Variants in ELF2 observed in about 807,000 individuals in gnomAD.
ELF2 encodes the protein ETS-related transcription factor Elf-2.
Under a neutral mutation model 54.8 loss-of-function variants are expected in ELF2, and 11 were observed. That is an observed-to-expected ratio of 0.20 (90% CI 0.13 to 0.33). The LOEUF (loss-of-function observed/expected upper bound fraction) is 0.33, where lower values mean the gene tolerates loss of function less well. Ranked by LOEUF, ELF2 falls within the 10% of genes least tolerant of loss-of-function variation. ELF2 has a pLI of 1.00. For missense variants in ELF2, 513 were observed against 703.0 expected, an observed-to-expected ratio of 0.73 and a Z score of 3.06; for synonymous variants, 203 against 245.1, an observed-to-expected ratio of 0.83 and a Z score of 1.61.
rs1184187241 is a variant in ELF2 at position 139,084,417 on chromosome 4, G to GGGCAGGGGC, written c.239-10859_239-10851dup. 605 of 1,298,654 alleles carry GGGCAGGGGC rather than the reference G, an allele frequency of 4.7e-4. 1 individual carries two copies. The highest frequency in any genetic ancestry group is 5.7e-4 in the Non-Finnish European group (586 of 1,023,922). 80.4% of individuals were successfully genotyped at this position (1,298,654 alleles called of 1,614,324 possible). ...GAGAAACCCCACCACCTAACGGCAG[G>GGGCAGGGGC]GGCAGGGGCGGCAGGGGCAGGGGCG... On this transcript the variant is annotated intron_variant, in intron 4 of 9. Coordinates refer to ENST00000686138, the MANE Select transcript of ELF2 (RefSeq NM_001331036.3).
intron 4 of ELF2, among the ~76,000 whole-genome samples, chr4:139,119,191 G>A (rs954706075): frequency 2.6e-5 from 4 of 152,232 alleles, no homozygotes; most frequent in East Asian, 1.9e-4. Context: ...TAGAATTTAC[G>A]TATCTCCTTC....
At chr4:139,104,844 C>T (rs367813714) in intron 4 of ELF2, among the ~76,000 whole-genome samples, 12 of 152,184 alleles carry the variant, frequency 7.9e-5, no homozygotes, top group African/African-American at 1.9e-4. Flanking sequence ...ACCACAATAG[C>T]AATAATGTAA....
chr4:139,064,513 G>A (rs1728391249), intron 7 of ELF2, among the ~76,000 whole-genome samples: 1 of 152,086 alleles, frequency 6.6e-6, no homozygotes, highest in African/African-American at 2.4e-5. Flanking sequence ...CTTTCATTGT[G>A]GCTTTCTCTG....
At chr4:139,152,858 T>C (rs1578941240) in intron 1 of ELF2, among the ~76,000 whole-genome samples, 2 of 149,324 alleles carry the variant, frequency 1.3e-5, no homozygotes, top group East Asian at 3.9e-4. Flanking sequence ...GTAATATTAA[T>C]ATAAATACAG....
chr4:139,168,846 G>T (rs1173144186), intron 1 of ELF2, among the ~76,000 whole-genome samples: 1 of 152,108 alleles, frequency 6.6e-6, no homozygotes, highest in Non-Finnish European at 1.5e-5. Context: ...AGGATTACAG[G>T]CATGAGCCAC....
At chr4:139,098,715 G>A (rs950656264) in intron 4 of ELF2, among the ~76,000 whole-genome samples, 2 of 151,904 alleles carry the variant, frequency 1.3e-5, no homozygotes, top group African/African-American at 2.4e-5. Context: ...TGATCCACCC[G>A]CCTCGGCCTC....
intron 3 of ELF2, among the ~76,000 whole-genome samples, chr4:139,135,261 GTGTGTGTGTGTGTGTGTGTA>G (rs1738022497): frequency 2.8e-5 from 4 of 142,182 alleles, no homozygotes; most frequent in Non-Finnish European, 6.0e-5. Context: ...GTGTGTGTGT[GTGTGTGTGTGTGTGTGTGTA>G]TATATGAATG....
At chr4:139,136,428 A>G (rs1738159049) in intron 3 of ELF2, among the ~76,000 whole-genome samples, 2 of 152,162 alleles carry the variant, frequency 1.3e-5, no homozygotes. Context: ...GCAAAAAAAA[A>G]AGAATCCAGA....
intron 4 of ELF2, among the ~76,000 whole-genome samples, chr4:139,087,934 T>A (rs1334684101): frequency 1.3e-5 from 2 of 152,016 alleles, no homozygotes; most frequent in African/African-American, 2.4e-5. Flanking sequence ...GGAAAAAAAA[T>A]TTGCAATTCT....
intron 3 of ELF2, among the ~76,000 whole-genome samples, chr4:139,126,058 T>A (rs1248299216): frequency 6.6e-6 from 1 of 152,118 alleles, no homozygotes; most frequent in Non-Finnish European, 1.5e-5. Context: ...CTTTTAGTCA[T>A]GAACAAAAAG....
chr4:139,154,423 TTAA>T (rs145908981), intron 1 of ELF2, among the ~76,000 whole-genome samples: 27,974 of 151,990 alleles, frequency 0.18, 2,813 homozygotes, highest in South Asian at 0.38. Context: ...TATTATCTTT[TTAA>T]TAATACAAGA....
At chr4:139,098,934 T>A (rs1024404952) in intron 4 of ELF2, among the ~76,000 whole-genome samples, 2 of 152,224 alleles carry the variant, frequency 1.3e-5, no homozygotes, top group African/African-American at 2.4e-5. Context: ...TTCTACTATC[T>A]TGATTTATTA....
At chr4:139,123,685 CAT>C (rs1248095431) in intron 4 of ELF2, among the ~76,000 whole-genome samples, 1 of 152,102 alleles carries the variant, frequency 6.6e-6, no homozygotes, top group Non-Finnish European at 1.5e-5. Context: ...CTATCAAAAT[CAT>C]AGTTTTCCTT....
At chr4:139,062,913 C>T (rs1047032696) in intron 7 of ELF2, among the ~76,000 whole-genome samples, 2 of 152,142 alleles carry the variant, frequency 1.3e-5, no homozygotes, top group Non-Finnish European at 2.9e-5. Flanking sequence ...TAAGGATTTT[C>T]TTATCATTTT....
intron 1 of ELF2, among the ~76,000 whole-genome samples, chr4:139,166,899 A>G (rs1241439176): frequency 6.6e-6 from 1 of 152,168 alleles, no homozygotes; most frequent in Non-Finnish European, 1.5e-5. Context: ...AGATTAAATA[A>G]TCAATGATGT....
chr4:139,156,195 G>A (rs140402327), intron 1 of ELF2, among the ~76,000 whole-genome samples: 1 of 151,628 alleles, frequency 6.6e-6, no homozygotes, highest in African/African-American at 2.4e-5. Flanking sequence ...AGTCGTCGGG[G>A]GACGGAGTCT....
At chr4:139,118,951 T>G (rs1230775145) in intron 4 of ELF2, among the ~76,000 whole-genome samples, 1 of 8,828 alleles carries the variant, frequency 1.1e-4, no homozygotes, top group Non-Finnish European at 5.9e-4. Context: ...AAGGGGAAAT[T>G]TGAAAATCAG....
intron 4 of ELF2, among the ~76,000 whole-genome samples, chr4:139,077,764 A>C (rs10776526): frequency 0.64 from 97,562 of 152,054 alleles, 32,211 homozygotes; most frequent in Admixed American, 0.75. Flanking sequence ...AATCAAAGTA[A>C]GCAAGCTACA....
intron 4 of ELF2, among the ~76,000 whole-genome samples, chr4:139,092,407 C>CAAACATAAG (rs1732724869): frequency 1.9e-5 from 2 of 103,684 alleles, no homozygotes; most frequent in Admixed American, 2.4e-4. Context: ...CATAACATAA[C>CAAACATAAG]ATAACATACA....
Sources: allele counts gnomAD v4.1 joint callset (sites outside exome capture counted in the v4.1 genomes callset), GRCh38; gene constraint gnomAD v4.1.1; transcripts MANE v1.5; gene names NCBI Gene and HGNC (gene_info 2026-07-23, HGNC 2026-07-21).